The following RGS6 variants were observed in gnomAD, a reference collection of about 807,000 sequenced individuals.
The protein encoded by RGS6 is regulator of G-protein signaling 6.
In RGS6, 30 loss-of-function variants were observed where a neutral mutation model predicts 78.5. The ratio of observed to expected loss-of-function variants is 0.38; its 90% CI spans 0.29 to 0.52. The LOEUF (loss-of-function observed/expected upper bound fraction) is 0.52. Among genes scored for constraint, RGS6 ranks in the 20% least tolerant of loss-of-function variants. The probability of loss-of-function intolerance (pLI) is 0.85; values close to 1 mark genes in which losing one functional copy is unlikely to be tolerated. For synonymous variants in RGS6, 206 were observed against 206.0 expected, an observed-to-expected ratio of 1.00 and a Z score of 0.00; for missense variants, 495 against 609.7, an observed-to-expected ratio of 0.81 and a Z score of 1.98.
rs190034612 is a variant in RGS6, at chr14:72,559,469, G to A, written c.1423-2948G>A. Among the ~76,000 whole-genome samples, 503 of 152,318 alleles carry A rather than the reference G, an allele frequency of 3.3e-3. 2 individuals are homozygous for A. Among genetic ancestry groups the A allele is most frequent in the African/African-American group, 0.011 (460 of 41,560 alleles). ...AGTCTGAGCCTGCCCTCACTCACGC[G>A]GGAGGTCACTGGGTAGCGAGTAGAT... On this transcript the variant is annotated intron_variant, in intron 17 of 17. Transcript: ENST00000553525.
chr14:72,048,849 T>TA (rs1283533857), intron 2 of RGS6, among the ~76,000 whole-genome samples: 1 of 152,166 alleles, frequency 6.6e-6, no homozygotes, highest in Non-Finnish European at 1.5e-5. Flanking sequence ...GAGAGGAGCT[T>TA]AAAAATAACA....
At chr14:71,915,380 T>C in the RGS6 span, among the ~76,000 whole-genome samples, 2 of 152,212 alleles carry the variant, frequency 1.3e-5, no homozygotes, top group Admixed American at 6.5e-5. Flanking sequence ...CACAGCTCCT[T>C]CACCTGTCTT....
rs1246150097 is a variant in RGS6 at position 72,311,461 on chromosome 14, C to T, written c.85-40634C>T. Among the ~76,000 whole-genome samples the T allele has an allele frequency of 2.6e-5, 4 of 151,760 alleles. No homozygotes were observed. In the South Asian group the frequency reaches 6.3e-4, roughly 24 times the overall value. ...CTCTCATCAAAGTGGGATAATCCTACGGCTGAAGGTTAAGTGAGCCTTTTG... is the reference window on the plus strand; with the variant it reads ...CTCTCATCAAAGTGGGATAATCCTATGGCTGAAGGTTAAGTGAGCCTTTTG... On this transcript the variant is annotated intron_variant, in intron 2 of 17. Coordinates refer to ENST00000553525, the MANE Select transcript of RGS6 (RefSeq NM_001204424.2).
intron 1 of RGS6, among the ~76,000 whole-genome samples, chr14:71,957,301 A>T (rs1175638231): frequency 6.6e-6 from 1 of 152,194 alleles, no homozygotes; most frequent in Non-Finnish European, 1.5e-5. Flanking sequence ...AAAGTGGCAG[A>T]GCCAGATGGC....
chr14:71,872,236 G>A, the RGS6 span, among the ~76,000 whole-genome samples: 1 of 152,168 alleles, frequency 6.6e-6, no homozygotes, highest in Admixed American at 6.5e-5. Flanking sequence ...CCATCCACAG[G>A]ATCAGATAAA....
At chr14:72,111,276 C>T (rs187938644) in intron 2 of RGS6, among the ~76,000 whole-genome samples, 4 of 152,238 alleles carry the variant, frequency 2.6e-5, no homozygotes, top group African/African-American at 7.2e-5. Context: ...GGAAAAAAGG[C>T]ACTAAAGTGC....
At chr14:72,170,186 A>G (rs993632640) in intron 2 of RGS6, among the ~76,000 whole-genome samples, 6 of 152,206 alleles carry the variant, frequency 3.9e-5, no homozygotes, top group Non-Finnish European at 8.8e-5. Context: ...TGTACCTACA[A>G]TGTATCCCCT....
intron 2 of RGS6, among the ~76,000 whole-genome samples, chr14:72,290,478 C>T (rs1340174487): frequency 6.6e-6 from 1 of 152,152 alleles, no homozygotes; most frequent in African/African-American, 2.4e-5. Context: ...TCCACAGCTT[C>T]CATTTAAGGT....
chr14:72,295,549 GAAATA>G, intron 2 of RGS6, among the ~76,000 whole-genome samples: 1 of 152,210 alleles, frequency 6.6e-6, no homozygotes, highest in South Asian at 2.1e-4. Context: ...GAGGCAAAAT[GAAATA>G]AAATAATCTT....
At position 72,296,518 on chromosome 14, in the gene RGS6, GCTATT is replaced by G. The variant is rs1263131996; in HGVS notation, c.85-55571_85-55567del. ...AATATTATCAGCCTTTAAAATTTCAGCTATTCTATTTGGTGTGTTTCTCATGTAGT... is the reference window on the plus strand; with the variant it reads ...AATATTATCAGCCTTTAAAATTTCAGCTATTTGGTGTGTTTCTCATGTAGT... On this transcript the variant is annotated intron_variant, in intron 2 of 17. Coordinates refer to ENST00000553525, the MANE Select transcript of RGS6 (RefSeq NM_001204424.2). 2.0e-5 allele frequency among the ~76,000 whole-genome samples: 3 copies of G among 152,188 alleles called. No homozygotes were observed. The East Asian group carries it at 5.8e-4, about 29-fold the overall frequency.
intron 17 of RGS6, chr14:72,550,506 C>T: frequency 6.5e-6 from 10 of 1,535,706 alleles, no homozygotes; most frequent in Non-Finnish European, 8.7e-6. Context: ...AACATCATAG[C>T]ACATTACACT....
chr14:72,381,081 A>G (rs564815590), intron 3 of RGS6, among the ~76,000 whole-genome samples: 1 of 152,188 alleles, frequency 6.6e-6, no homozygotes, highest in South Asian at 2.1e-4. Flanking sequence ...GGCAGATACC[A>G]CATGTTGTCA....
At chr14:72,089,277 A>G (rs1345064459) in intron 2 of RGS6, among the ~76,000 whole-genome samples, 2 of 152,222 alleles carry the variant, frequency 1.3e-5, no homozygotes, top group Non-Finnish European at 2.9e-5. Context: ...ATCACTGCCA[A>G]TATGCATGGG....
chr14:72,261,541 C>T (rs2058153638), intron 2 of RGS6, among the ~76,000 whole-genome samples: 1 of 151,896 alleles, frequency 6.6e-6, no homozygotes, highest in Non-Finnish European at 1.5e-5. Context: ...CTGAGCTGTC[C>T]AGCTGCAGGG....
At chr14:71,918,998 T>TC in the RGS6 span, among the ~76,000 whole-genome samples, 11 of 151,910 alleles carry the variant, frequency 7.2e-5, no homozygotes, top group African/African-American at 2.4e-4. Flanking sequence ...CTTTTTTTTT[T>TC]CCCAAGAAAG....
intron 2 of RGS6, among the ~76,000 whole-genome samples, chr14:72,130,954 C>A (rs1424711735): frequency 1.3e-5 from 2 of 152,228 alleles, no homozygotes; most frequent in Admixed American, 6.5e-5. Context: ...CTTGTGACTC[C>A]TTTTGCAGCT....
chr14:72,489,164 A>ACCCCC (rs200005100), intron 12 of RGS6, among the ~76,000 whole-genome samples: 24 of 146,508 alleles, frequency 1.6e-4, no homozygotes, highest in African/African-American at 2.8e-4. Context: ...GGGCCCCCCC[A>ACCCCC]CCGGCTGTTT....
Position 72,562,507 on chromosome 14 carries a change from C to A in RGS6, c.*40C>A. 1 of 1,608,882 alleles carries A rather than the reference C, an allele frequency of 6.2e-7. No homozygotes were observed. Among genetic ancestry groups the A allele is most frequent in the Non-Finnish European group, 8.5e-7 (1 of 1,179,774 alleles). On this transcript the variant is annotated 3_prime_UTR_variant, in exon 18 of 18. Coordinates refer to ENST00000553525, the MANE Select transcript of RGS6 (RefSeq NM_001204424.2). ...GGTCCAGGGCCTGGGCCCGCGGACC[C>A]CACAGGCAGGCGGCGGCGCTCCACA...
intron 12 of RGS6, among the ~76,000 whole-genome samples, chr14:72,488,724 C>G (rs1598258747): frequency 6.6e-6 from 1 of 152,310 alleles, no homozygotes; most frequent in Middle Eastern, 3.4e-3. Flanking sequence ...GAACTCTCAC[C>G]ACAGCCTCTC....
Sources: gnomAD v4.1 joint callset for allele counts (sites outside exome capture counted in the v4.1 genomes callset) on GRCh38, gnomAD v4.1.1 for gene constraint, MANE v1.5 for transcripts, NCBI Gene and HGNC (gene_info 2026-07-23, HGNC 2026-07-21) for gene names.